The following ZFHX3 variants were observed in gnomAD, a reference collection of about 807,000 sequenced individuals.
ZFHX3 encodes the protein zinc finger homeobox 3, also known as zinc finger homeobox protein 3.
Under a neutral mutation model 279.1 loss-of-function variants are expected in ZFHX3, and 42 were observed. The observed-to-expected ratio is 0.15, with a 90% CI of 0.12 to 0.19. ZFHX3 has a LOEUF of 0.19. ZFHX3 is among the 10% of genes least tolerant of loss of function. ZFHX3 has a pLI of 1.00. For synonymous variants in ZFHX3, 2,293 were observed against 1,957.8 expected (o/e 1.17, Z -4.52); for missense variants, 4,981 against 4,754.0 (o/e 1.05, Z -1.40).
intron 1 of ZFHX3, among the ~76,000 whole-genome samples, chr16:73,010,272 A>C (rs1354995297): frequency 6.6e-6 from 1 of 152,158 alleles, no homozygotes; most frequent in Non-Finnish European, 1.5e-5. Context: ...TGCCACCTGC[A>C]TCGCCCGTGT....
intron 1 of ZFHX3, among the ~76,000 whole-genome samples, chr16:73,778,759 A>G (rs1336443202): frequency 6.6e-6 from 1 of 152,188 alleles, no homozygotes; most frequent in East Asian, 1.9e-4. Flanking sequence ...CAATGGTAAG[A>G]CGGCAATGCA....
chr16:73,138,996 A>G (rs1001856981), intron 6 of ZFHX3, among the ~76,000 whole-genome samples: 1 of 152,140 alleles, frequency 6.6e-6, no homozygotes, highest in Admixed American at 6.5e-5. Flanking sequence ...CTGCCTGGTC[A>G]TTGCCCTTTT....
At chr16:73,200,551 G>T (rs902554420) in intron 5 of ZFHX3, among the ~76,000 whole-genome samples, 2 of 152,098 alleles carry the variant, frequency 1.3e-5, no homozygotes, top group Non-Finnish European at 2.9e-5. Flanking sequence ...TTTTAGATTG[G>T]CCCTGTGAGG....
chr16:73,258,864 G>C (rs12929502), intron 4 of ZFHX3, among the ~76,000 whole-genome samples: 12,257 of 152,202 alleles, frequency 0.081, 599 homozygotes, highest in African/African-American at 0.12. Context: ...ATTCTACTGA[G>C]ATTGCTGCCA....
At chr16:73,377,830 G>A (rs2016747935) in intron 3 of ZFHX3, among the ~76,000 whole-genome samples, 1 of 151,324 alleles carries the variant, frequency 6.6e-6, no homozygotes, top group Non-Finnish European at 1.5e-5. Flanking sequence ...TCAGGAGATT[G>A]AGATCATCCT....
At chr16:73,231,890 C>T (rs1342532719) in intron 5 of ZFHX3, among the ~76,000 whole-genome samples, 2 of 152,128 alleles carry the variant, frequency 1.3e-5, no homozygotes, top group East Asian at 3.8e-4. Flanking sequence ...GGCAGCAAGC[C>T]CCTCTTGCAC....
intron 2 of ZFHX3, among the ~76,000 whole-genome samples, chr16:73,592,164 C>T (rs891048622): frequency 3.9e-5 from 6 of 152,118 alleles, no homozygotes; most frequent in Non-Finnish European, 8.8e-5. Context: ...ACTCAGGAGG[C>T]GGAGGTTGCA....
chr16:73,731,861 G>A (rs898739114), intron 1 of ZFHX3, among the ~76,000 whole-genome samples: 4 of 152,162 alleles, frequency 2.6e-5, no homozygotes, highest in Admixed American at 6.6e-5. Context: ...AAAGACACAC[G>A]TTTTGGAAGG....
chr16:73,883,031 A>T (rs58687240), intron 1 of ZFHX3, among the ~76,000 whole-genome samples: 10,714 of 101,606 alleles, frequency 0.11, 776 homozygotes, highest in African/African-American at 0.24. Flanking sequence ...CAAGCTTTTT[A>T]AAAAAAAAAA....
chr16:73,622,541 G>A (rs559701504), intron 2 of ZFHX3, among the ~76,000 whole-genome samples: 6 of 151,994 alleles, frequency 3.9e-5, no homozygotes, highest in East Asian at 3.9e-4. Flanking sequence ...CAGCTTGGGC[G>A]ACAGAGTGAG....
chr16:73,702,063 A>T (rs1046398595), intron 1 of ZFHX3, among the ~76,000 whole-genome samples: 1 of 152,116 alleles, frequency 6.6e-6, no homozygotes, highest in African/African-American at 2.4e-5. Flanking sequence ...GAAATGTCTC[A>T]TTTCCCAAAT....
At position 72,863,281 on chromosome 16, in the gene ZFHX3, T is replaced by C. The variant is rs1014940682; in HGVS notation, c.3448+26450A>G. Among the ~76,000 whole-genome samples, 5 of 145,630 alleles carry C rather than the reference T, an allele frequency of 3.4e-5. No individual in the cohort carries two copies. The East Asian group carries it at 6.0e-4, about 17-fold the overall frequency. On this transcript the variant is annotated intron_variant, in intron 4 of 9. Transcript: ENST00000268489. ...GCTTTGGGAGGTCGGAGTGGGAGGA[T>C]TGCTTGAGCTCAGGAATTCAAGACC...
intron 5 of ZFHX3, among the ~76,000 whole-genome samples, chr16:73,163,966 C>T (rs772217490): frequency 4.6e-5 from 7 of 152,068 alleles, no homozygotes; most frequent in Non-Finnish European, 1.0e-4. Context: ...TAGTAAATTA[C>T]CCCAGTTTGG....
At position 72,795,401 on chromosome 16, in the gene ZFHX3, A is replaced by G. The variant is rs754388064; in HGVS notation, c.7281T>C (p.Asp2427=). ...ATFNSKTEAG[D]EKPKLAEAPS... The stretch of plus-strand genomic sequence containing the variant: ...GAGCTTCCGCCAGCTTTGGTTTCTC[A>G]TCGCCTGCCTCTGTTTTTGAATTGA... The change falls in exon 9 of 10, where the codon GAT becomes GAC. Residue 2427 remains aspartate (D), a synonymous_variant. Coordinates refer to ENST00000268489, the MANE Select transcript of ZFHX3 (RefSeq NM_006885.4). 23 of 1,613,986 alleles carry G rather than the reference A, an allele frequency of 1.4e-5. No homozygotes were observed. Among genetic ancestry groups the G allele is most frequent in the Non-Finnish European group, 1.7e-5 (20 of 1,180,028 alleles).
At chr16:73,613,710 A>G (rs1343400036) in intron 2 of ZFHX3, among the ~76,000 whole-genome samples, 1 of 152,194 alleles carries the variant, frequency 6.6e-6, no homozygotes, top group Non-Finnish European at 1.5e-5. Flanking sequence ...TGGAGGGTCC[A>G]TTCTATGGAG....
At chr16:73,242,025 C>T (rs62052452) in intron 5 of ZFHX3, among the ~76,000 whole-genome samples, 3 of 152,116 alleles carry the variant, frequency 2.0e-5, no homozygotes, top group Non-Finnish European at 2.9e-5. Context: ...ATGTCAAGTG[C>T]TGGGCTCTAA....
intron 1 of ZFHX3, among the ~76,000 whole-genome samples, chr16:73,695,299 G>A (rs1164367904): frequency 3.3e-5 from 5 of 149,812 alleles, no homozygotes; most frequent in African/African-American, 7.4e-5. Flanking sequence ...GCAGTGGCGC[G>A]ATCTCAGCTC....
chr16:73,412,923 T>A (rs540314978), intron 3 of ZFHX3, among the ~76,000 whole-genome samples: 1 of 152,314 alleles, frequency 6.6e-6, no homozygotes, highest in South Asian at 2.1e-4. Flanking sequence ...AGAGCAATAA[T>A]ACAGATGCAT....
At chr16:73,824,070 C>T (rs866058532) in intron 1 of ZFHX3, among the ~76,000 whole-genome samples, 1 of 152,106 alleles carries the variant, frequency 6.6e-6, no homozygotes, top group Non-Finnish European at 1.5e-5. Context: ...AGAAAATAAA[C>T]GAAAACGATG....
Sources: allele counts gnomAD v4.1 joint callset (sites outside exome capture counted in the v4.1 genomes callset), GRCh38; gene constraint gnomAD v4.1.1; transcripts MANE v1.5; gene names NCBI Gene and HGNC (gene_info 2026-07-23, HGNC 2026-07-21).